SPTA1: variants seen among roughly 807,000 people sequenced by gnomAD.
The protein encoded by SPTA1 is spectrin alpha chain, erythrocytic 1.
Under a neutral mutation model 324.7 loss-of-function variants are expected in SPTA1, and 177 were observed. That is an observed-to-expected ratio of 0.55 (90% CI 0.48 to 0.62). SPTA1 has a LOEUF of 0.62. SPTA1 is among the 20% of genes least tolerant of loss of function. SPTA1 has a pLI of 0.00. For synonymous variants in SPTA1, 1,195 were observed against 1,041.3 expected (o/e 1.15, Z -2.84); for missense variants, 3,162 against 2,883.6 (o/e 1.10, Z -2.21).
intron 20 of SPTA1, 42 bp from the exon 21 acceptor site, chr1:158,654,790 A>G (rs1652708619): frequency 1.2e-6 from 2 of 1,610,424 alleles, no homozygotes; most frequent in Non-Finnish European, 8.5e-7. Context: ...CGCACTGGAA[A>G]TATCTCCCTG....
intron 40 of SPTA1, among the ~76,000 whole-genome samples, chr1:158,627,310 TATA>T (rs1650345830): frequency 6.6e-6 from 1 of 152,226 alleles, no homozygotes; most frequent in South Asian, 2.1e-4. Flanking sequence ...TTCAAATTCT[TATA>T]ATATTCTATG....
At chr1:158,674,713 C>G (rs1160300531) in intron 8 of SPTA1, 38 bp from the exon 9 acceptor site, 1 of 1,610,856 alleles carries the variant, frequency 6.2e-7, no homozygotes, top group Admixed American at 1.7e-5. Flanking sequence ...GAAGGAGAAA[C>G]CAGATATGAA....
In SPTA1 at chr1:158,627,709, C is replaced by T; in HGVS notation, c.5580G>A (p.Lys1860=). ...CAAAGTCATTTTCCAAAGCTTCATG[C>T]TTCATTAGCAAGCTCTGCATAAATA... ...TLAATQSLLM[K]HEALENDFAV... Residue 1860 remains lysine, a synonymous_variant, in exon 40 of 52, where the codon AAG becomes AAA. Transcript: ENST00000643759. 1 of 1,612,704 alleles carries T rather than the reference C, an allele frequency of 6.2e-7. No individual in the cohort carries two copies. The highest frequency in any genetic ancestry group is 8.5e-7 in the Non-Finnish European group (1 of 1,179,682).
chr1:158,642,471 G>C lies in SPTA1; in HGVS notation c.4677C>G (p.Ile1559Met). The change falls in exon 33 of 52, where the codon ATC becomes ATG. Residue 1559 changes from isoleucine to methionine, a missense_variant. Transcript: ENST00000643759. ...ACTCAATCAGGGAGTTCCCCAGGTT[G>C]ATGACGCCATGCACCTGCTCAGATC... ...DGRSEQVHGVINLGNSLIECS... is the reference protein window; with the variant it reads ...DGRSEQVHGVMNLGNSLIECS... The C allele has an allele frequency of 5.0e-6, 8 of 1,613,708 alleles. No individual in the cohort carries two copies. The highest frequency in any genetic ancestry group is 6.8e-6 in the Non-Finnish European group (8 of 1,179,752).
Position 158,671,454 on chromosome 1 carries a change from C to CT in SPTA1, c.1489-2dup, listed in dbSNP as rs778006738. The CT allele has an allele frequency of 3.1e-6, 5 of 1,611,330 alleles. No homozygotes were observed. The highest frequency in any genetic ancestry group is 4.2e-6 in the Non-Finnish European group (5 of 1,178,988). On this transcript the variant is annotated splice_acceptor_variant, in intron 11 of 51. Transcript: ENST00000643759. LOFTEE classifies it high-confidence loss of function. ...CCAGATCCTCGTTTTCCAGGAAGGC[C>CT]TGTAGAAGACAGAAAGACACACCTA...
At chr1:158,663,113 G>A (rs1421821523) in intron 16 of SPTA1, among the ~76,000 whole-genome samples, 168 bp from the exon 17 acceptor site, 4 of 152,100 alleles carry the variant, frequency 2.6e-5, no homozygotes, top group Admixed American at 6.5e-5. Context: ...CTACACTGGG[G>A]ACCACCACAT....
At position 158,657,526 on chromosome 1, in the gene SPTA1, T is replaced by C. The variant is rs777784878; in HGVS notation, c.2756A>G (p.Glu919Gly). The C allele has an allele frequency of 3.1e-6, 5 of 1,613,996 alleles. No individual in the cohort carries two copies. In the South Asian group the frequency reaches 3.3e-5, roughly 11 times the overall value. Residue 919 changes from glutamate (E) to glycine (G), a missense_variant, in exon 19 of 52, where the codon GAA becomes GGA. Physicochemically the swap from Glu to Gly is moderately conservative, Grantham distance 98 (BLOSUM62 -2). Transcript: ENST00000643759. The stretch of plus-strand genomic sequence containing the variant: ...ATAGTTAGTATTATCTACAATAGGT[T>C]CCTTCTCTCTGATCCATGTTTCTGC... ...HEAETWIREK[E>G]PIVDNTNYGA...
intron 4 of SPTA1, 78 bp from the exon 5 acceptor site, chr1:158,680,807 T>G: frequency 6.3e-7 from 1 of 1,581,760 alleles, no homozygotes; most frequent in Admixed American, 1.7e-5. Flanking sequence ...AACTCCTGCT[T>G]GCATTCCCAG....
chr1:158,647,945 G>C (rs1652122327), intron 26 of SPTA1, among the ~76,000 whole-genome samples: 1 of 152,104 alleles, frequency 6.6e-6, no homozygotes, highest in Admixed American at 6.5e-5. Context: ...AGAGTTGTGG[G>C]GAAGAGTGGT....
At chr1:158,644,650 G>T (rs1651859364) in intron 29 of SPTA1, among the ~76,000 whole-genome samples, 1 of 152,022 alleles carries the variant, frequency 6.6e-6, no homozygotes, top group Non-Finnish European at 1.5e-5. Context: ...GTTAATACTG[G>T]CTGGTCATTT....
chr1:158,622,885 T>C, intron 43 of SPTA1, 98 bp downstream of exon 43: 1 of 1,094,332 alleles, frequency 9.1e-7, no homozygotes, highest in Non-Finnish European at 1.4e-6. Flanking sequence ...TAAAAGGTTT[T>C]TGTATTATCC....
chr1:158,641,960 C>T (rs1435485357), intron 33 of SPTA1, among the ~76,000 whole-genome samples: 3 of 152,292 alleles, frequency 2.0e-5, no homozygotes, highest in Non-Finnish European at 4.4e-5. Context: ...CACATATACA[C>T]CATGGAATTC....
Position 158,612,732 on chromosome 1 carries a change from T to G in SPTA1, c.7134+85A>C, listed in dbSNP as rs563418672. 3.6e-3 allele frequency: 5,557 copies of G among 1,534,678 alleles called. 20 individuals are homozygous for G. Among genetic ancestry groups the G allele is most frequent in the Non-Finnish European group, 4.2e-3 (4,705 of 1,113,324 alleles). On this transcript the variant is annotated intron_variant, in intron 51 of 51. Coordinates refer to ENST00000643759, the MANE Select transcript of SPTA1 (RefSeq NM_003126.4). ...GAAAAAAAAAAACAAGTGGGTGGGT[T>G]TTTTCAAAGTAGGCCACCGGGCCTG...
intron 21 of SPTA1, 50 bp from the exon 22 acceptor site, chr1:158,653,475 C>T (rs760565609): frequency 1.9e-6 from 3 of 1,610,614 alleles, no homozygotes; most frequent in Non-Finnish European, 2.5e-6. Context: ...GGAAAAGCAA[C>T]AAACGGGAGA....
At chr1:158,651,192 A>C (rs753020708) in intron 24 of SPTA1, among the ~76,000 whole-genome samples, 175 bp downstream of exon 24, 3 of 152,220 alleles carry the variant, frequency 2.0e-5, no homozygotes, top group Non-Finnish European at 2.9e-5. Context: ...GACAACAAAA[A>C]TACAGGGACT....
intron 33 of SPTA1, 114 bp downstream of exon 33, chr1:158,642,297 C>T: frequency 2.6e-6 from 3 of 1,156,370 alleles, no homozygotes; most frequent in Non-Finnish European, 3.4e-6. Context: ...TACCCTAAAA[C>T]TTAAAGTATA....
At chr1:158,685,457 T>C (rs190735288) in intron 1 of SPTA1, 110 bp from the exon 2 acceptor site, 157 of 1,482,410 alleles carry the variant, frequency 1.1e-4, no homozygotes, top group Non-Finnish European at 1.4e-4. Context: ...TCAGATATCC[T>C]GAAGTTTCTA....
At chr1:158,672,217 TG>T in intron 10 of SPTA1, 21 bp from the exon 11 acceptor site, 2 of 1,607,966 alleles carry the variant, frequency 1.2e-6, no homozygotes, top group South Asian at 2.2e-5. Context: ...AAGGAGATAA[TG>T]TATATGGAAG....
chr1:158,668,741 T>C (rs945049424), intron 14 of SPTA1, among the ~76,000 whole-genome samples: 8 of 152,260 alleles, frequency 5.3e-5, no homozygotes, highest in Admixed American at 5.2e-4. Flanking sequence ...AGTACAACCC[T>C]AAGGAAGAGT....
Sources: allele counts gnomAD v4.1 joint callset (sites outside exome capture counted in the v4.1 genomes callset), GRCh38; gene constraint gnomAD v4.1.1; transcripts MANE v1.5; gene names NCBI Gene and HGNC (gene_info 2026-07-23, HGNC 2026-07-21).